Variants in PCM1 observed in about 807,000 individuals in gnomAD.
The protein encoded by PCM1 is pericentriolar material 1.
PCM1 carries 157 observed loss-of-function variants against 241.9 expected under a neutral mutation model. The ratio of observed to expected loss-of-function variants is 0.65; its 90% confidence interval spans 0.57 to 0.74. The LOEUF is 0.74. Among genes scored for constraint, PCM1 ranks in the 30% least tolerant of loss-of-function variants. The probability of loss-of-function intolerance (pLI) is 0.00; values close to 1 mark genes in which losing one functional copy is unlikely to be tolerated. For synonymous variants in PCM1, 1,085 were observed against 784.9 expected (o/e 1.38, Z -6.39); for missense variants, 3,478 against 2,360.1 (o/e 1.47, Z -9.81).
rs202053200 is a variant in PCM1 at position 18,018,893 on chromosome 8, C to T, written c.5841+4053C>T. Among the ~76,000 whole-genome samples, 51 of 120,088 alleles carry T rather than the reference C, an allele frequency of 4.2e-4. 1 individual carries two copies. The highest frequency in any genetic ancestry group is 1.3e-3 in the African/African-American group (39 of 30,204). 78.8% of individuals were successfully genotyped at this position (120,088 alleles called of 152,430 possible). ...ATATATATATATACACACACATATA[C>T]ATACACATATATATATATAAATATA... On this transcript the variant is annotated intron_variant, in intron 36 of 38. Transcript: ENST00000325083.
chr8:18,027,100 A>G (rs1376055459), intron 38 of PCM1, among the ~76,000 whole-genome samples: 1 of 152,184 alleles, frequency 6.6e-6, no homozygotes, highest in Non-Finnish European at 1.5e-5. Flanking sequence ...TGAAAATTGC[A>G]TGATATCTCA....
chr8:17,978,264 A>G (rs1164384393), intron 23 of PCM1, among the ~76,000 whole-genome samples: 1 of 152,140 alleles, frequency 6.6e-6, no homozygotes, highest in Non-Finnish European at 1.5e-5. Flanking sequence ...TTAGAGACTT[A>G]CAAGAAGTTC....
chr8:17,949,492 T>C (rs888025686), intron 7 of PCM1, among the ~76,000 whole-genome samples: 1 of 150,068 alleles, frequency 6.7e-6, no homozygotes, highest in African/African-American at 2.5e-5. Context: ...ATTGTCTTTT[T>C]TCTTTATCTT....
Position 18,006,028 on chromosome 8 carries a change from C to G in PCM1, c.4828-235C>G, listed in dbSNP as rs1564330345. ...CTGAAAAGTACTGGATCAGCCAGTTCTTTTACTGGCCATCATCTGCTTTCG... is the reference window on the plus strand; with the variant it reads ...CTGAAAAGTACTGGATCAGCCAGTTGTTTTACTGGCCATCATCTGCTTTCG... On this transcript the variant is annotated intron_variant, in intron 29 of 38. Coordinates refer to ENST00000325083, the MANE Select transcript of PCM1 (RefSeq NM_006197.4). 5 of 410,234 alleles carry G rather than the reference C, an allele frequency of 1.2e-5. No individual in the cohort carries two copies. The South Asian group carries it at 1.6e-4, about 13-fold the overall frequency. 25.4% of individuals were successfully genotyped at this position (410,234 alleles called of 1,614,324 possible).
intron 5 of PCM1, 97 bp downstream of exon 5, chr8:17,939,106 T>A: frequency 8.4e-7 from 1 of 1,191,314 alleles, no homozygotes; most frequent in Admixed American, 2.4e-5. Context: ...GGAATTTTAG[T>A]TGGGTGGAAT....
Position 17,947,346 on chromosome 8 carries a change from C to G in PCM1, c.944C>G (p.Ala315Gly). ...ALQHKAEQAI[A>G]VMDDSVVAET... ...CAACATAAAGCAGAGCAAGCTATTG[C>G]AGTGATGGATGATTCTGGTATGTCA... Residue 315 changes from alanine (A) to glycine (G), a missense_variant, in exon 7 of 39, where the codon GCA (alanine) becomes GGA (glycine). Ala to Gly is a moderately conservative substitution (Grantham distance 60, BLOSUM62 0). Coordinates refer to ENST00000325083, the MANE Select transcript of PCM1 (RefSeq NM_006197.4). 1 of 1,596,830 alleles carries G rather than the reference C, an allele frequency of 6.3e-7. No homozygotes were observed. The highest frequency in any genetic ancestry group is 2.2e-5 in the East Asian group (1 of 44,624).
chr8:18,005,711 C>T (rs1457923331), intron 29 of PCM1, among the ~76,000 whole-genome samples: 1 of 151,956 alleles, frequency 6.6e-6, no homozygotes, highest in Non-Finnish European at 1.5e-5. Context: ...ACCCTCAAGA[C>T]ATTTCAGAAT....
Position 17,955,550 on chromosome 8 carries a change from G to A in PCM1, c.1369G>A (p.Glu457Lys), listed in dbSNP as rs1333379676. 5.6e-6 allele frequency: 9 copies of A among 1,613,684 alleles called. No individual in the cohort carries two copies. Among genetic ancestry groups the A allele is most frequent in the Non-Finnish European group, 5.9e-6 (7 of 1,179,658 alleles). ...SVGLAPVVNG[E>K]SNSLTSSVPY... Reference sequence around the variant, plus strand: ...AGGCTTGGCACCGGTTGTCAATGGAGAATCCAATAGCCTCACATCATCTGT... The same window carrying A: ...AGGCTTGGCACCGGTTGTCAATGGAAAATCCAATAGCCTCACATCATCTGT... Residue 457 changes from glutamate (E) to lysine (K), a missense_variant, in exon 10 of 39, where the codon GAA becomes AAA. Glu to Lys is a moderately conservative substitution (Grantham distance 56). Coordinates refer to ENST00000325083, the MANE Select transcript of PCM1 (RefSeq NM_006197.4).
chr8:17,928,087 C>G (rs1304682343), intron 2 of PCM1: 1 of 152,070 alleles, frequency 6.6e-6, no homozygotes, highest in Non-Finnish European at 1.5e-5. Flanking sequence ...TTCAGCTACC[C>G]GTAGTACTGT....
chr8:18,004,169 A>C (rs573745106), intron 29 of PCM1, among the ~76,000 whole-genome samples: 1 of 152,162 alleles, frequency 6.6e-6, no homozygotes, highest in Non-Finnish European at 1.5e-5. Flanking sequence ...GTTACATGCT[A>C]TCTGCTCAGA....
rs1478685779 is a variant in PCM1 at position 17,966,962 on chromosome 8, T to C, written c.3222-18T>C. On this transcript the variant is annotated intron_variant, in intron 20 of 38. Transcript: ENST00000325083. ...GCAATATAACTGATTCTTAGATTACTGACTTAAATCTTTGTAGGTTGAAAC... is the reference window on the plus strand; with the variant it reads ...GCAATATAACTGATTCTTAGATTACCGACTTAAATCTTTGTAGGTTGAAAC... The C allele has an allele frequency of 6.3e-7, 1 of 1,579,744 alleles. No individual in the cohort carries two copies. Among genetic ancestry groups the C allele is most frequent in the Non-Finnish European group, 8.6e-7 (1 of 1,163,828 alleles).
At chr8:17,951,837 A>T (rs2066138215) in intron 8 of PCM1, among the ~76,000 whole-genome samples, 1 of 152,206 alleles carries the variant, frequency 6.6e-6, no homozygotes, top group Admixed American at 6.5e-5. Flanking sequence ...AATATGGGAA[A>T]ATCTTAAAAT....
intron 8 of PCM1, among the ~76,000 whole-genome samples, chr8:17,952,276 G>C (rs2066350914): frequency 6.7e-6 from 1 of 150,034 alleles, no homozygotes. Context: ...ACATGAGAGA[G>C]AAGTGGTGGG....
At chr8:17,936,996 T>G in intron 3 of PCM1, 138 bp from the exon 4 acceptor site, 1 of 592,326 alleles carries the variant, frequency 1.7e-6, no homozygotes. Context: ...AAGTAAATAT[T>G]TGTCTCTAGG....
chr8:17,925,085 T>A (rs2056396428), intron 2 of PCM1: 1 of 152,266 alleles, frequency 6.6e-6, no homozygotes, highest in Admixed American at 6.5e-5. Flanking sequence ...GTCCTATAAC[T>A]GGATAGCCTC....
At chr8:17,983,594 G>A (rs2081656092) in intron 24 of PCM1, among the ~76,000 whole-genome samples, 2 of 152,140 alleles carry the variant, frequency 1.3e-5, no homozygotes, top group East Asian at 1.9e-4. Flanking sequence ...CTTCTTCAAA[G>A]CATTAGTATT....
chr8:18,015,438 G>C (rs2093044118), intron 36 of PCM1, among the ~76,000 whole-genome samples: 1 of 152,138 alleles, frequency 6.6e-6, no homozygotes, highest in Non-Finnish European at 1.5e-5. Context: ...GCTTCTGTTA[G>C]AACCAAAGCT....
chr8:17,956,912 A>G, intron 11 of PCM1, 135 bp downstream of exon 11: 1 of 710,798 alleles, frequency 1.4e-6, no homozygotes, highest in Non-Finnish European at 2.3e-6. Flanking sequence ...TGGTCAGTGT[A>G]ATCATCTCTG....
chr8:17,992,432 A>G (rs564759189), intron 28 of PCM1, among the ~76,000 whole-genome samples: 2 of 152,204 alleles, frequency 1.3e-5, no homozygotes, highest in East Asian at 1.9e-4. Context: ...TTTTTAAATT[A>G]CGGCCATTCT....
Sources: gnomAD v4.1 joint callset for allele counts (sites outside exome capture counted in the v4.1 genomes callset) on GRCh38, gnomAD v4.1.1 for gene constraint, MANE v1.5 for transcripts, NCBI Gene and HGNC (gene_info 2026-07-23, HGNC 2026-07-21) for gene names.